The following CD84 variants were observed in gnomAD, a reference collection of about 807,000 sequenced individuals.
The protein encoded by CD84 is CD84 molecule.
In CD84, 22 loss-of-function variants were observed where a neutral mutation model predicts 33.8. The ratio of observed to expected loss-of-function variants is 0.65; its 90% confidence interval spans 0.46 to 0.93. CD84 has a LOEUF of 0.93. CD84 is among the 40% of genes least tolerant of loss of function. The pLI is 0.00. For synonymous variants in CD84, 154 were observed against 145.2 expected, an observed-to-expected ratio of 1.06 and a Z score of -0.44; for missense variants, 400 against 397.6, an observed-to-expected ratio of 1.01 and a Z score of -0.05.
chr1:160,575,817 C>T (rs1009439601), intron 1 of CD84, among the ~76,000 whole-genome samples: 5 of 152,144 alleles, frequency 3.3e-5, no homozygotes, highest in South Asian at 2.1e-4. Flanking sequence ...GCTCCTGTTG[C>T]GAAGGTGCTC....
At chr1:160,548,964 G>A (rs1004296023) in intron 6 of CD84, among the ~76,000 whole-genome samples, 2 of 151,974 alleles carry the variant, frequency 1.3e-5, no homozygotes, top group Non-Finnish European at 2.9e-5. Flanking sequence ...AATATGCTGG[G>A]CACCCTGACC....
rs534665745 is a variant in CD84, at chr1:160,566,752, G to C, written c.47-1007C>G. Among the ~76,000 whole-genome samples, 30 of 152,294 alleles carry C rather than the reference G, an allele frequency of 2.0e-4. No homozygotes were observed. In the South Asian group the frequency reaches 6.2e-3, roughly 32 times the overall value. Reference sequence around the variant, plus strand: ...TTGAGAGAGACCAGCAAGGGGACTTGATCTGTTCTGGGAATCGAGGGAACA... The same window carrying C: ...TTGAGAGAGACCAGCAAGGGGACTTCATCTGTTCTGGGAATCGAGGGAACA... On this transcript the variant is annotated intron_variant, in intron 1 of 6. Transcript: ENST00000368054.
At chr1:160,573,080 G>A (rs1339031983) in intron 1 of CD84, among the ~76,000 whole-genome samples, 1 of 152,106 alleles carries the variant, frequency 6.6e-6, no homozygotes. Flanking sequence ...ACATTTCATG[G>A]TTAGGCAGCT....
At chr1:160,560,191 A>ACGC (rs1430907371) in intron 2 of CD84, among the ~76,000 whole-genome samples, 1 of 152,190 alleles carries the variant, frequency 6.6e-6, no homozygotes, top group Non-Finnish European at 1.5e-5. Context: ...CAGAATATAT[A>ACGC]TTCTTCTCAA....
chr1:160,566,317 ATTCC>A (rs997241564), intron 1 of CD84, among the ~76,000 whole-genome samples: 19 of 152,316 alleles, frequency 1.2e-4, no homozygotes, highest in African/African-American at 4.3e-4. Flanking sequence ...TTACTTCCAT[ATTCC>A]TAGTCTCTAG....
rs1553230402 is a variant in CD84 at position 160,543,602 on chromosome 1, T to TTATTTATTA, written c.*4653_*4654insTAATAAATA. ...ATCTTCAAGGAGCTCTCCATTATTA[T>TTATTTATTA]TTATTATTATTATTATTATTATTAT... On this transcript the variant is annotated 3_prime_UTR_variant, in exon 7 of 7. Coordinates refer to ENST00000368054, the MANE Select transcript of CD84 (RefSeq NM_003874.4). The TTATTTATTA allele has an allele frequency of 5.6e-5, 8 of 142,702 alleles. No individual in the cohort carries two copies. The highest frequency in any genetic ancestry group is 4.5e-4 in the South Asian group (2 of 4,484). 8.8% of individuals were successfully genotyped at this position (142,702 alleles called of 1,614,324 possible). A position where few individuals can be genotyped will look rare whatever the true frequency, so the allele number is the denominator to read the frequency against.
At chr1:160,565,358 G>T in intron 2 of CD84, 46 bp downstream of exon 2, 1 of 1,451,324 alleles carries the variant, frequency 6.9e-7, no homozygotes, top group Non-Finnish European at 9.3e-7. Context: ...TAGCAAACTT[G>T]CAAAGTAAAA....
chr1:160,553,368 A>T lies in CD84; in HGVS notation c.760+10T>A. On this transcript the variant is annotated intron_variant, in intron 4 of 6. Transcript: ENST00000368054. ...GAGTTTCCACATTTTACCTTCTGGG[A>T]AAATCCTACCTTGTCTTCTCTTGAA... is the stretch of plus-strand genomic sequence containing the variant. The T allele has an allele frequency of 6.2e-7, 1 of 1,613,520 alleles. No homozygotes were observed. The highest frequency in any genetic ancestry group is 8.5e-7 in the Non-Finnish European group (1 of 1,179,416).
chr1:160,568,683 T>A (rs1225959254), intron 1 of CD84, among the ~76,000 whole-genome samples: 2 of 152,098 alleles, frequency 1.3e-5, no homozygotes, highest in African/African-American at 4.8e-5. Flanking sequence ...TGCAGTGGAG[T>A]GATCTTGGCT....
chr1:160,564,809 T>C (rs1657215283), intron 2 of CD84, among the ~76,000 whole-genome samples: 2 of 152,196 alleles, frequency 1.3e-5, no homozygotes, highest in South Asian at 2.1e-4. Flanking sequence ...AATCTTGTGA[T>C]GGTTAATCTT....
chr1:160,570,755 A>G (rs1055655756), intron 1 of CD84, among the ~76,000 whole-genome samples: 15 of 152,162 alleles, frequency 9.9e-5, no homozygotes, highest in African/African-American at 3.1e-4. Context: ...CCAGCTGCCC[A>G]GGAGGCTGAG....
chr1:160,565,267 T>C (rs897030247), intron 2 of CD84, 137 bp downstream of exon 2: 4 of 621,560 alleles, frequency 6.4e-6, no homozygotes, highest in Admixed American at 3.3e-5. Flanking sequence ...CTTATAAGTA[T>C]TGATGTATCA....
At chr1:160,561,616 C>T (rs1656973039) in intron 2 of CD84, among the ~76,000 whole-genome samples, 1 of 152,090 alleles carries the variant, frequency 6.6e-6, no homozygotes, top group African/African-American at 2.4e-5. Flanking sequence ...ACAAGAATGC[C>T]CTCTTTCATC....
intron 4 of CD84, among the ~76,000 whole-genome samples, chr1:160,552,031 AAAG>A (rs1656267798): frequency 6.6e-6 from 1 of 152,178 alleles, no homozygotes; most frequent in Admixed American, 6.5e-5. Context: ...CAAGGTGAAA[AAAG>A]AAGGCCAGAA....
At chr1:160,565,368 A>T in intron 2 of CD84, 36 bp downstream of exon 2, 1 of 1,506,086 alleles carries the variant, frequency 6.6e-7, no homozygotes, top group South Asian at 1.3e-5. Flanking sequence ...GCAAAGTAAA[A>T]ATAAAACACA....
intron 2 of CD84, among the ~76,000 whole-genome samples, chr1:160,562,405 A>G (rs1394749308): frequency 6.6e-6 from 1 of 152,010 alleles, no homozygotes; most frequent in Non-Finnish European, 1.5e-5. Flanking sequence ...AGAATAAAGA[A>G]CTCAAAAATA....
intron 1 of CD84, chr1:160,571,336 T>A (rs1657677718): frequency 1.3e-5 from 2 of 151,370 alleles, no homozygotes; most frequent in Non-Finnish European, 2.9e-5. Context: ...GCAGTAAGAG[T>A]GCAAGAGAGG....
intron 1 of CD84, among the ~76,000 whole-genome samples, chr1:160,568,947 T>C (rs1272887825): frequency 6.6e-6 from 1 of 152,178 alleles, no homozygotes; most frequent in Non-Finnish European, 1.5e-5. Context: ...AGAATGAAAA[T>C]AATAATTATG....
intron 2 of CD84, among the ~76,000 whole-genome samples, chr1:160,555,368 CCACCG>C (rs986892032): frequency 1.4e-4 from 21 of 152,126 alleles, no homozygotes; most frequent in Non-Finnish European, 2.8e-4. Context: ...CAGGTGTGAG[CCACCG>C]CACCCAGCCA....
Sources: gnomAD v4.1 joint callset for allele counts (sites outside exome capture counted in the v4.1 genomes callset) on GRCh38, gnomAD v4.1.1 for gene constraint, MANE v1.5 for transcripts, NCBI Gene and HGNC (gene_info 2026-07-23, HGNC 2026-07-21) for gene names.